Variants in HECW2 observed in about 807,000 individuals in gnomAD.
The protein encoded by HECW2 is HECT, C2 and WW domain containing E3 ubiquitin protein ligase 2.
In HECW2, 61 loss-of-function variants were observed where a neutral mutation model predicts 175.2. That is an observed-to-expected ratio of 0.35 (90% confidence interval 0.28 to 0.43). HECW2 has a LOEUF of 0.43. Ranked by LOEUF, HECW2 falls within the 20% of genes least tolerant of loss-of-function variation. HECW2 has a pLI of 1.00. For synonymous variants in HECW2, 671 were observed against 731.0 expected, an observed-to-expected ratio of 0.92 and a Z score of 1.32; for missense variants, 1,524 against 2,000.5, an observed-to-expected ratio of 0.76 and a Z score of 4.54.
At chr2:196,269,496 C>A (rs1460109732) in intron 17 of HECW2, 1 of 51,320 alleles carries the variant, frequency 1.9e-5, no homozygotes, top group African/African-American at 8.9e-5. Context: ...CCCCTACCTC[C>A]AAAAAAAAAA....
chr2:196,272,944 G>T, intron 16 of HECW2, among the ~76,000 whole-genome samples: 1 of 151,240 alleles, frequency 6.6e-6, no homozygotes, highest in African/African-American at 2.4e-5. Flanking sequence ...TTCTTATCCA[G>T]AGGTCAAGCT....
intron 2 of HECW2, among the ~76,000 whole-genome samples, chr2:196,347,054 A>AT (rs1472213739): frequency 4.7e-5 from 7 of 148,566 alleles, no homozygotes; most frequent in Non-Finnish European, 1.0e-4. Context: ...CTTTTTATTT[A>AT]TTTATTTATT....
intron 2 of HECW2, among the ~76,000 whole-genome samples, chr2:196,346,941 G>C (rs1271687330): frequency 6.7e-6 from 1 of 149,034 alleles, no homozygotes. Context: ...CCGAGAGGTG[G>C]AGTTTGCAGT....
rs190061121 is a variant in HECW2, at chr2:196,531,432, T to C, written c.-36+62076A>G. 5.0e-3 allele frequency among the ~76,000 whole-genome samples: 757 copies of C among 152,192 alleles called. 21 individuals carry two copies. The highest frequency in any genetic ancestry group is 0.044 in the Admixed American group (673 of 15,260). The stretch of plus-strand genomic sequence containing the variant: ...CAACACTTTGGGAGGCTGAAGTGGA[T>C]GGATCACAAGGTCAGGAGTTCGAGA... On this transcript the variant is annotated intron_variant, in intron 1 of 28. Transcript: ENST00000644978.
rs992125494 is a variant in HECW2 at position 196,238,205 on chromosome 2, G to C, written c.3764+2244C>G. The stretch of plus-strand genomic sequence containing the variant: ...GATCATGCCACTGCACTCCAGCCTG[G>C]GCAGCAGAGTTAGACTCTGTCTCAA... On this transcript the variant is annotated intron_variant, in intron 21 of 28. Transcript: ENST00000644978. 6.6e-5 allele frequency among the ~76,000 whole-genome samples: 10 copies of C among 152,226 alleles called. No individual in the cohort carries two copies. The East Asian group carries it at 1.7e-3, about 26-fold the overall frequency.
At chr2:196,283,296 A>G (rs1268794684) in intron 14 of HECW2, among the ~76,000 whole-genome samples, 1 of 143,858 alleles carries the variant, frequency 7.0e-6, no homozygotes, top group Non-Finnish European at 1.5e-5. Context: ...TTGGAAGGAG[A>G]TGGGGGCTCT....
intron 1 of HECW2, among the ~76,000 whole-genome samples, chr2:196,472,413 G>C (rs1232631410): frequency 6.7e-6 from 1 of 148,806 alleles, no homozygotes; most frequent in East Asian, 2.0e-4. Flanking sequence ...ACTTGAACCT[G>C]AGAGGTGGAG....
chr2:196,345,136 C>T (rs1236578535), intron 2 of HECW2, among the ~76,000 whole-genome samples: 7 of 152,196 alleles, frequency 4.6e-5, no homozygotes, highest in African/African-American at 1.7e-4. Context: ...CCATTCATGG[C>T]ATCACATCCT....
chr2:196,291,689 C>A (rs910954061), intron 14 of HECW2: 1 of 152,200 alleles, frequency 6.6e-6, no homozygotes, highest in African/African-American at 2.4e-5. Context: ...GGCTGGCCTA[C>A]AGCGTGGCTC....
At chr2:196,204,430 A>T (rs1232940944) in intron 28 of HECW2, among the ~76,000 whole-genome samples, 3 of 152,228 alleles carry the variant, frequency 2.0e-5, no homozygotes, top group Non-Finnish European at 2.9e-5. Flanking sequence ...ATTAAAATCA[A>T]GAGAGACTCT....
intron 1 of HECW2, among the ~76,000 whole-genome samples, chr2:196,587,921 G>A (rs1342886437): frequency 6.6e-6 from 1 of 152,108 alleles, no homozygotes; most frequent in Non-Finnish European, 1.5e-5. Context: ...TGCTGATCTT[G>A]CAAATCTTTG....
intron 1 of HECW2, among the ~76,000 whole-genome samples, chr2:196,577,993 G>A (rs1017633692): frequency 3.3e-5 from 5 of 152,194 alleles, no homozygotes; most frequent in Non-Finnish European, 7.4e-5. Context: ...AGTAAAGCAT[G>A]GCCCATTCAC....
chr2:196,273,374 T>C (rs1689821228), intron 16 of HECW2, among the ~76,000 whole-genome samples: 2 of 152,050 alleles, frequency 1.3e-5, no homozygotes, highest in African/African-American at 4.8e-5. Flanking sequence ...GCCAACCTAG[T>C]CTAATTTAAG....
chr2:196,516,091 C>T (rs1017853814), intron 1 of HECW2, among the ~76,000 whole-genome samples: 4 of 152,014 alleles, frequency 2.6e-5, no homozygotes, highest in Admixed American at 6.6e-5. Flanking sequence ...GAGCTGAGAT[C>T]GCACCACTGC....
At chr2:196,225,905 A>C in intron 22 of HECW2, 35 bp from the exon 23 acceptor site, 23 of 1,339,434 alleles carry the variant, frequency 1.7e-5, no homozygotes, top group Non-Finnish European at 2.3e-5. Context: ...CTTACATGTC[A>C]TGGAGCAGTT....
intron 3 of HECW2, among the ~76,000 whole-genome samples, chr2:196,342,799 G>A (rs1692806258): frequency 6.6e-6 from 1 of 151,998 alleles, no homozygotes. Flanking sequence ...TCTGCCGCTG[G>A]CAAAAATTAT....
chr2:196,225,810 G>C lies in HECW2; in HGVS notation c.3978C>G (p.Ala1326=). The C allele has an allele frequency of 6.2e-7, 1 of 1,612,802 alleles. No individual in the cohort carries two copies. Among genetic ancestry groups the C allele is most frequent in the South Asian group, 1.1e-5 (1 of 91,046 alleles). Reference sequence around the variant, plus strand: ...CCTTATAAAAGGGCCGTGTGAAGAAGGCATCCAACAAATACTGGTGTATTA... The same window carrying C: ...CCTTATAAAAGGGCCGTGTGAAGAACGCATCCAACAAATACTGGTGTATTA... ...LALIHQYLLD[A]FFTRPFYKAL... Residue 1326 remains alanine, a synonymous_variant, in exon 23 of 29, where the codon GCC becomes GCG. Coordinates refer to ENST00000644978, the MANE Select transcript of HECW2 (RefSeq NM_001348768.2).
intron 11 of HECW2, among the ~76,000 whole-genome samples, chr2:196,307,510 GA>G (rs71672110): frequency 0.025 from 3,746 of 151,494 alleles, 162 homozygotes; most frequent in African/African-American, 0.086. Context: ...ATTGTTAAAG[GA>G]AAAAAAACTT....
intron 1 of HECW2, among the ~76,000 whole-genome samples, chr2:196,575,514 G>T (rs781335554): frequency 1.3e-5 from 2 of 152,012 alleles, no homozygotes; most frequent in Non-Finnish European, 2.9e-5. Context: ...ACAGTCAAAT[G>T]TCCATCAGTA....
Sources: gnomAD v4.1 joint callset for allele counts (sites outside exome capture counted in the v4.1 genomes callset) on GRCh38, gnomAD v4.1.1 for gene constraint, MANE v1.5 for transcripts, NCBI Gene and HGNC (gene_info 2026-07-23, HGNC 2026-07-21) for gene names.